ZBED4: variants seen among roughly 807,000 people sequenced by gnomAD.
The protein encoded by ZBED4 is zinc finger BED domain-containing protein 4.
A neutral mutation model predicts 15.5 loss-of-function variants in ZBED4; 4 were observed. The observed-to-expected ratio is 0.26, with a 90% CI of 0.13 to 0.59. ZBED4 has a LOEUF of 0.59. Among genes scored for constraint, ZBED4 ranks in the 20% least tolerant of loss-of-function variants. The pLI, the probability that ZBED4 is intolerant of heterozygous loss-of-function variation, is 0.90. For synonymous variants in ZBED4, 692 were observed against 608.5 expected (o/e 1.14, Z -2.02); for missense variants, 1,323 against 1,461.8 (o/e 0.91, Z 1.55).
rs1363339143 is a variant in ZBED4 at position 49,883,378 on chromosome 22, G to T, written c.-285G>T. ...TGTATGCTCTCAAGATGATCAGGCA[G>T]ATCCTGTCCTCAGGACCAGAAGCAC... On this transcript the variant is annotated 5_prime_UTR_variant, in exon 2 of 2. Coordinates refer to ENST00000216268, the MANE Select transcript of ZBED4 (RefSeq NM_014838.3). The T allele has an allele frequency of 3.4e-6, 1 of 289,936 alleles. No individual in the cohort carries two copies. The highest frequency in any genetic ancestry group is 6.4e-6 in the Non-Finnish European group (1 of 155,456). 18.0% of individuals were successfully genotyped at this position (289,936 alleles called of 1,614,324 possible).
intron 1 of ZBED4, among the ~76,000 whole-genome samples, chr22:49,862,575 G>A (rs934390814): frequency 2.0e-5 from 3 of 151,994 alleles, no homozygotes; most frequent in Admixed American, 6.6e-5. Context: ...GCCCCTGTGC[G>A]TGCCGCCCCA....
Position 49,888,317 on chromosome 22 carries a change from T to G in ZBED4, c.*1139T>G, listed in dbSNP as rs1209327052. 6.0e-6 allele frequency: 1 copy of G among 166,828 alleles called. No individual in the cohort carries two copies. The highest frequency in any genetic ancestry group is 1.5e-5 in the Non-Finnish European group (1 of 68,108). The allele number at this position is 166,828 out of a possible 1,614,324, so 10.3% of individuals were successfully genotyped here. ...ACTAATCACTCATTTGCCTACGACC[T>G]TTTAGAAAAGTTGTTTTGTTGAAAT... is the stretch of plus-strand genomic sequence containing the variant. On this transcript the variant is annotated 3_prime_UTR_variant, in exon 2 of 2. Transcript: ENST00000216268.
rs1364211028 is a variant in ZBED4 at position 49,887,802 on chromosome 22, C to T, written c.*624C>T. 2 of 167,252 alleles carry T rather than the reference C, an allele frequency of 1.2e-5. No individual in the cohort carries two copies. The highest frequency in any genetic ancestry group is 4.8e-5 in the African/African-American group (2 of 41,454). 10.4% of individuals were successfully genotyped at this position (167,252 alleles called of 1,614,324 possible). A position where few individuals can be genotyped will look rare whatever the true frequency, so the allele number is the denominator to read the frequency against. On this transcript the variant is annotated 3_prime_UTR_variant, in exon 2 of 2. Coordinates refer to ENST00000216268, the MANE Select transcript of ZBED4 (RefSeq NM_014838.3). The stretch of plus-strand genomic sequence containing the variant: ...ATGGAGCTTATTTTGAGAACTTTCC[C>T]ATTTCAGGTTTCTGCATTCAGGCTT...
chr22:49,857,740 C>T (rs369123953), intron 1 of ZBED4, among the ~76,000 whole-genome samples: 2 of 151,970 alleles, frequency 1.3e-5, no homozygotes, highest in East Asian at 1.9e-4. Context: ...TACAGGCACC[C>T]GCCACCGCAC....
intron 1 of ZBED4, among the ~76,000 whole-genome samples, chr22:49,867,891 C>T (rs2060329375): frequency 6.6e-6 from 1 of 152,188 alleles, no homozygotes; most frequent in African/African-American, 2.4e-5. Context: ...CTTACATGAG[C>T]CCACAGTTGG....
At chr22:49,874,180 G>C (rs1416351132) in intron 1 of ZBED4, among the ~76,000 whole-genome samples, 1 of 152,142 alleles carries the variant, frequency 6.6e-6, no homozygotes, top group South Asian at 2.1e-4. Flanking sequence ...AGAATATGCC[G>C]AGGGGAAGCA....
At chr22:49,864,557 C>G (rs564625144) in intron 1 of ZBED4, among the ~76,000 whole-genome samples, 54 of 152,288 alleles carry the variant, frequency 3.5e-4, no homozygotes, top group African/African-American at 1.2e-3. Flanking sequence ...TGGCTTACGC[C>G]TATAATCCCA....
rs147890675 is a variant in ZBED4 at position 49,885,882 on chromosome 22, C to G, written c.2220C>G (p.Thr740=). Residue 740 remains threonine (T), a synonymous_variant, in exon 2 of 2, where the codon ACC becomes ACG. Transcript: ENST00000216268. Reference sequence around the variant, plus strand: ...CTGGAATATGGATGAGTAACCAGACCCGTGAGTACCTGACCCTCACGGCCC... The same window carrying G: ...CTGGAATATGGATGAGTAACCAGACGCGTGAGTACCTGACCCTCACGGCCC... The part of the protein sequence containing the change: ...FTSGIWMSNQ[T]REYLTLTAHW... 2 of 1,205,944 alleles carry G rather than the reference C, an allele frequency of 1.7e-6. No homozygotes were observed. Among genetic ancestry groups the G allele is most frequent in the African/African-American group, 1.5e-5 (1 of 66,536 alleles). 74.7% of individuals were successfully genotyped at this position (1,205,944 alleles called of 1,614,324 possible).
chr22:49,885,702 C>T lies in ZBED4; in HGVS notation c.2040C>T (p.Gly680=). 2.5e-6 allele frequency: 4 copies of T among 1,609,088 alleles called. No individual in the cohort carries two copies. The highest frequency in any genetic ancestry group is 2.7e-5 in the African/African-American group (2 of 74,960). The change falls in exon 2 of 2, where the codon GGC becomes GGT. Residue 680 remains glycine (G), a synonymous_variant. Coordinates refer to ENST00000216268, the MANE Select transcript of ZBED4 (RefSeq NM_014838.3). ...CATATTCTTTTGTAGACAACGTTGG[C>T]TTTAACAGGCTGCTTGAATACTTGA... ...LQPYSFVDNV[G]FNRLLEYLKP...
At position 49,885,005 on chromosome 22, in the gene ZBED4, A is replaced by T; in HGVS notation, c.1343A>T (p.Gln448Leu). 6.2e-7 allele frequency: 1 copy of T among 1,613,364 alleles called. No homozygotes were observed. Among genetic ancestry groups the T allele is most frequent in the African/African-American group, 1.3e-5 (1 of 75,056 alleles). Residue 448 changes from glutamine (Q) to leucine (L), a missense_variant, in exon 2 of 2, where the codon CAG becomes CTG. Physicochemically the swap from Gln to Leu is moderately radical, Grantham distance 113. Around this residue, in one of 6 missense-constraint regions of ZBED4, gnomAD observed 429 missense variants for 397.9 expected, o/e 1.08. Coordinates refer to ENST00000216268, the MANE Select transcript of ZBED4 (RefSeq NM_014838.3). ...TTGTTTGAATCTGGCGCCATCTTCC[A>T]GCAGAATAAAAAGGTCATGAAAAGA... The part of the protein sequence containing the change: ...PRLFESGAIF[Q>L]QNKKVMKRLK...
chr22:49,883,832 A>T lies in ZBED4; in HGVS notation c.170A>T (p.Glu57Val). 1 of 1,611,710 alleles carries T rather than the reference A, an allele frequency of 6.2e-7. No homozygotes were observed. Reference protein sequence around the residue: ...EDMKQTDSGGERAGLGGTGCS... With the variant: ...EDMKQTDSGGVRAGLGGTGCS... ...ATGAAGCAGACAGACAGCGGTGGGG[A>T]GCGAGCGGGCCTCGGTGGGACGGGT... The change falls in exon 2 of 2, where the codon GAG becomes GTG. Residue 57 changes from glutamate to valine, a missense_variant. By Grantham distance (121) the Glu-to-Val change is moderately radical. Transcript: ENST00000216268.
chr22:49,859,347 C>T (rs2060287586), intron 1 of ZBED4, among the ~76,000 whole-genome samples: 1 of 152,044 alleles, frequency 6.6e-6, no homozygotes, highest in Non-Finnish European at 1.5e-5. Context: ...TTTATTTATT[C>T]CATGTCATAA....
chr22:49,872,866 T>G (rs558466192), intron 1 of ZBED4, among the ~76,000 whole-genome samples: 1 of 152,002 alleles, frequency 6.6e-6, no homozygotes, highest in Non-Finnish European at 1.5e-5. Flanking sequence ...CCGGCTAATT[T>G]TTTTGTATTT....
At position 49,864,950 on chromosome 22, in the gene ZBED4, C is replaced by CCGCCCCCG. The variant is rs1555922816; in HGVS notation, c.-330+10962_-330+10963insGCCCCCGC. On this transcript the variant is annotated intron_variant, in intron 1 of 1. Transcript: ENST00000216268. ...CTATCCCAGCAAGCCCCCCCCCCCC[C>CCGCCCCCG]CCGTGAAGTCAGAAACCACGGAGTC... is the stretch of plus-strand genomic sequence containing the variant. Among the ~76,000 whole-genome samples, 10 of 74,750 alleles carry CCGCCCCCG rather than the reference C, an allele frequency of 1.3e-4. 1 individual carries two copies. The East Asian group carries it at 1.7e-3, about 13-fold the overall frequency. 49.0% of individuals were successfully genotyped at this position (74,750 alleles called of 152,430 possible).
chr22:49,875,418 C>CTTTTTT (rs55993655), intron 1 of ZBED4, among the ~76,000 whole-genome samples: 6 of 145,174 alleles, frequency 4.1e-5, no homozygotes, highest in Non-Finnish European at 7.5e-5. Flanking sequence ...AATTTATTTT[C>CTTTTTT]TTTTTTTTTT....
At chr22:49,874,715 C>T (rs1489144168) in intron 1 of ZBED4, among the ~76,000 whole-genome samples, 1 of 104,880 alleles carries the variant, frequency 9.5e-6, no homozygotes, top group Non-Finnish European at 1.8e-5. Context: ...GAGTCTCACT[C>T]TGTCGCCAGG....
chr22:49,858,049 G>A (rs2060281835), intron 1 of ZBED4, among the ~76,000 whole-genome samples: 2 of 152,142 alleles, frequency 1.3e-5, no homozygotes, highest in Admixed American at 6.5e-5. Flanking sequence ...CTACAGGCGT[G>A]AGCCACCGCG....
In ZBED4 at chr22:49,886,939, G is replaced by C; in HGVS notation, c.3277G>C (p.Val1093Leu). The C allele has an allele frequency of 6.2e-7, 1 of 1,614,100 alleles. No individual in the cohort carries two copies. Among genetic ancestry groups the C allele is most frequent in the Non-Finnish European group, 8.5e-7 (1 of 1,180,020 alleles). The change falls in exon 2 of 2, where the codon GTG becomes CTG. Residue 1093 changes from valine (V) to leucine (L), a missense_variant. This residue lies in a region of ZBED4 where 312 missense variants were observed against 410.7 expected (regional missense o/e 0.76). Transcript: ENST00000216268. The surrounding 1 kb of genome is among the most constrained non-coding windows in gnomAD (Gnocchi z 7.7). ...GGTGCTTGCGTATCTGGAGGAGGAG[G>C]TGCTTGAACACAGCTGTGACCCGCT... ...AMVLAYLEEE[V>L]LEHSCDPLTY...
At position 49,884,012 on chromosome 22, in the gene ZBED4, A is replaced by G; in HGVS notation, c.350A>G (p.Lys117Arg). ...LSSRNMSSRK[K>R]SPAWKHFFIS... ...AGCCGGAACATGAGCTCCAGGAAGA[A>G]GTCTCCAGCCTGGAAGCATTTTTTT... The change falls in exon 2 of 2, where the codon AAG (lysine) becomes AGG (arginine). Residue 117 changes from lysine to arginine, a missense_variant. This residue lies in a region of ZBED4 where 380 missense variants were observed against 413.7 expected (regional missense o/e 0.92). Coordinates refer to ENST00000216268, the MANE Select transcript of ZBED4 (RefSeq NM_014838.3). 6.2e-7 allele frequency: 1 copy of G among 1,610,586 alleles called. No individual in the cohort carries two copies. Among genetic ancestry groups the G allele is most frequent in the Non-Finnish European group, 8.5e-7 (1 of 1,178,928 alleles).
Sources: gnomAD v4.1 joint callset for allele counts (sites outside exome capture counted in the v4.1 genomes callset) on GRCh38, gnomAD v4.1.1 for gene constraint, gnomAD v4.1.1 regional missense constraint, Gnocchi (gnomAD v3.1) non-coding constraint, MANE v1.5 for transcripts, NCBI Gene and HGNC (gene_info 2026-07-23, HGNC 2026-07-21) for gene names.